Variants in RBFOX1 observed in about 807,000 individuals in gnomAD.
RBFOX1 encodes RNA binding protein fox-1 homolog 1.
In RBFOX1, 8 loss-of-function variants were observed where a neutral mutation model predicts 57.7. The ratio of observed to expected loss-of-function variants is 0.14; its 90% CI spans 0.08 to 0.25. The LOEUF (loss-of-function observed/expected upper bound fraction) is 0.25. Ranked by LOEUF, RBFOX1 falls within the 10% of genes least tolerant of loss-of-function variation. The pLI is 1.00. For missense variants in RBFOX1, 611 were observed against 548.5 expected, an observed-to-expected ratio of 1.11 and a Z score of -1.14; for synonymous variants, 326 against 222.4, an observed-to-expected ratio of 1.47 and a Z score of -4.15.
At chr16:6,460,342 A>C (rs565101715) in intron 2 of RBFOX1, among the ~76,000 whole-genome samples, 1 of 152,232 alleles carries the variant, frequency 6.6e-6, no homozygotes, top group Non-Finnish European at 1.5e-5. Context: ...AAATTTTTGC[A>C]ATCTATCCGT....
At chr16:7,395,782 G>A (rs572547619) in intron 4 of RBFOX1, among the ~76,000 whole-genome samples, 61 of 152,234 alleles carry the variant, frequency 4.0e-4, no homozygotes, top group Non-Finnish European at 7.3e-4. Context: ...GAATTTTGGC[G>A]TACATATTTA....
At chr16:6,940,859 G>GTC (rs1282284170) in intron 3 of RBFOX1, among the ~76,000 whole-genome samples, 1 of 95,696 alleles carries the variant, frequency 1.0e-5, no homozygotes, top group African/African-American at 5.4e-5. Flanking sequence ...GTCTGTGTGT[G>GTC]TGTGTGTGTG....
intron 1 of RBFOX1, among the ~76,000 whole-genome samples, chr16:5,456,233 A>T (rs773876611): frequency 6.6e-6 from 1 of 152,178 alleles, no homozygotes; most frequent in African/African-American, 2.4e-5. Context: ...AACAGCTTGC[A>T]TAATATTCAA....
chr16:5,579,803 A>G (rs924481035), intron 2 of RBFOX1, among the ~76,000 whole-genome samples: 1 of 147,746 alleles, frequency 6.8e-6, no homozygotes, highest in Non-Finnish European at 1.5e-5. Context: ...TCTGTTGCCT[A>G]GGCTGGGGTG....
intron 1 of RBFOX1, among the ~76,000 whole-genome samples, chr16:5,347,320 C>T (rs539430318): frequency 2.0e-5 from 3 of 152,224 alleles, no homozygotes; most frequent in Admixed American, 6.5e-5. Flanking sequence ...TACATACAGT[C>T]GTTGCTCAAC....
At chr16:6,136,482 C>T (rs2096668445) in intron 1 of RBFOX1, among the ~76,000 whole-genome samples, 1 of 152,172 alleles carries the variant, frequency 6.6e-6, no homozygotes, top group African/African-American at 2.4e-5. Context: ...GCTTACGCTT[C>T]ATTTTTTATG....
intron 4 of RBFOX1, among the ~76,000 whole-genome samples, chr16:7,468,086 G>C (rs1050181472): frequency 1.3e-5 from 2 of 152,170 alleles, no homozygotes. Flanking sequence ...GCAAATAAGC[G>C]AGCATCACAG....
Position 6,553,558 on chromosome 16 carries a change from A to G in RBFOX1, c.-63-101045A>G, listed in dbSNP as rs148509819. On this transcript the variant is annotated intron_variant, in intron 2 of 15. Transcript: ENST00000550418. The stretch of plus-strand genomic sequence containing the variant: ...CCAATATCCAATTGTCACCAAGTCT[A>G]TCTAATCACATCTTACTCACCTTTG... Among the ~76,000 whole-genome samples, 90 of 152,340 alleles carry G rather than the reference A, an allele frequency of 5.9e-4. No homozygotes were observed. The East Asian group carries it at 0.016, about 27-fold the overall frequency.
At chr16:7,194,635 T>C (rs1025588921) in intron 4 of RBFOX1, among the ~76,000 whole-genome samples, 3 of 152,166 alleles carry the variant, frequency 2.0e-5, no homozygotes, top group African/African-American at 7.2e-5. Flanking sequence ...ATTTAGAAAG[T>C]GGTGAATTTA....
At chr16:6,005,758 G>A (rs1437793812) in intron 4 of RBFOX1, among the ~76,000 whole-genome samples, 3 of 152,182 alleles carry the variant, frequency 2.0e-5, no homozygotes, top group Non-Finnish European at 4.4e-5. Context: ...AATTTGTTAG[G>A]AAAAGAGCAG....
Position 6,968,736 on chromosome 16 carries a change from C to A in RBFOX1, c.-15-83321C>A, listed in dbSNP as rs184447862. ...TTCTCATGGCAGCTGGCCTCATCTCCCTCCTCTCCCTCCTCTTTGCCTAGT... is the reference window on the plus strand; with the variant it reads ...TTCTCATGGCAGCTGGCCTCATCTCACTCCTCTCCCTCCTCTTTGCCTAGT... On this transcript the variant is annotated intron_variant, in intron 3 of 15. Coordinates refer to ENST00000550418, the MANE Select transcript of RBFOX1 (RefSeq NM_018723.4). Among the ~76,000 whole-genome samples, 7 of 152,228 alleles carry A rather than the reference C, an allele frequency of 4.6e-5. No individual in the cohort carries two copies. In the East Asian group the frequency reaches 1.4e-3, roughly 29 times the overall value.
intron 4 of RBFOX1, among the ~76,000 whole-genome samples, chr16:7,227,293 C>CCCG (rs1555602519): frequency 7.1e-6 from 1 of 139,914 alleles, no homozygotes; most frequent in Non-Finnish European, 1.6e-5. Flanking sequence ...CCACCCCACC[C>CCCG]CCACACACAC....
chr16:7,164,549 T>G (rs1433231498), intron 4 of RBFOX1, among the ~76,000 whole-genome samples: 1 of 152,156 alleles, frequency 6.6e-6, no homozygotes, highest in Non-Finnish European at 1.5e-5. Context: ...AGAGTAAAAT[T>G]TATATACTAT....
intron 1 of RBFOX1, among the ~76,000 whole-genome samples, chr16:6,036,798 T>G (rs1239795868): frequency 6.6e-6 from 1 of 152,202 alleles, no homozygotes; most frequent in African/African-American, 2.4e-5. Flanking sequence ...AGAATAAACA[T>G]TTTTATCTGG....
chr16:7,237,135 C>T (rs181104235), intron 4 of RBFOX1, among the ~76,000 whole-genome samples: 1 of 152,286 alleles, frequency 6.6e-6, no homozygotes, highest in East Asian at 1.9e-4. Flanking sequence ...AATACAGCCG[C>T]CAACCCAAAT....
chr16:7,665,113 C>G (rs2068843065), intron 13 of RBFOX1, 145 bp downstream of exon 13: 4 of 1,508,978 alleles, frequency 2.7e-6, no homozygotes, highest in Non-Finnish European at 9.1e-7. Flanking sequence ...TCTTGCAGGA[C>G]AGAAAGCCTT....
intron 3 of RBFOX1, among the ~76,000 whole-genome samples, chr16:6,807,492 C>G (rs551645750): frequency 6.6e-6 from 1 of 152,040 alleles, no homozygotes; most frequent in Non-Finnish European, 1.5e-5. Context: ...TCTGCACTCA[C>G]TAATGGGACT....
At chr16:5,675,634 G>T (rs1049093614) in intron 3 of RBFOX1, among the ~76,000 whole-genome samples, 1 of 152,180 alleles carries the variant, frequency 6.6e-6, no homozygotes, top group Non-Finnish European at 1.5e-5. Context: ...GATGGCTTCC[G>T]CGTGTCATCG....
At chr16:5,942,820 A>G (rs944500525) in intron 4 of RBFOX1, among the ~76,000 whole-genome samples, 7 of 152,182 alleles carry the variant, frequency 4.6e-5, no homozygotes, top group Admixed American at 4.6e-4. Flanking sequence ...TTGCAAAGGC[A>G]CTTTCAAGCT....
Sources: gnomAD v4.1 joint callset for allele counts (sites outside exome capture counted in the v4.1 genomes callset) on GRCh38, gnomAD v4.1.1 for gene constraint, MANE v1.5 for transcripts, NCBI Gene and HGNC (gene_info 2026-07-23, HGNC 2026-07-21) for gene names.